The following MUC5B variants were observed in gnomAD, a reference collection of about 807,000 sequenced individuals.
MUC5B encodes the protein mucin 5B, oligomeric mucus/gel-forming, also known as mucin-5B.
MUC5B carries 116 observed loss-of-function variants against 376.9 expected under a neutral mutation model. The observed-to-expected ratio is 0.31, with a 90% CI of 0.26 to 0.36. The LOEUF (loss-of-function observed/expected upper bound fraction) is 0.36. Among genes scored for constraint, MUC5B ranks in the 10% least tolerant of loss-of-function variants. The probability of loss-of-function intolerance (pLI) is 1.00; values close to 1 mark genes in which losing one functional copy is unlikely to be tolerated. For synonymous variants in MUC5B, 3,517 were observed against 3,390.9 expected, an observed-to-expected ratio of 1.04 and a Z score of -1.29; for missense variants, 7,165 against 7,769.9, an observed-to-expected ratio of 0.92 and a Z score of 2.93.
chr11:1,224,934 A>G (rs554569133), intron 1 of MUC5B, among the ~76,000 whole-genome samples: 3 of 152,250 alleles, frequency 2.0e-5, no homozygotes, highest in Non-Finnish European at 4.4e-5. Context: ...GGGTCCTGTG[A>G]AGGGGGCGCC....
At chr11:1,252,126 ATCCATCCCCAC>A (rs1410977590) in intron 31 of MUC5B, among the ~76,000 whole-genome samples, 4 of 131,312 alleles carry the variant, frequency 3.0e-5, no homozygotes, top group African/African-American at 1.2e-4. Flanking sequence ...ACTGGCCACA[ATCCATCCCCAC>A]TGGCCACACT....
At chr11:1,259,906 G>A in intron 45 of MUC5B, 57 bp from the exon 46 acceptor site, 4 of 1,612,198 alleles carry the variant, frequency 2.5e-6, no homozygotes, top group South Asian at 2.2e-5. Flanking sequence ...ACCCCCAATG[G>A]GGCTCTGCAC....
rs201887607 is a variant in MUC5B at position 1,247,919 on chromosome 11, C to A, written c.11039C>A (p.Thr3680Lys). The A allele has an allele frequency of 7.4e-6, 12 of 1,611,916 alleles. No homozygotes were observed. The African/African-American group carries it at 8.0e-5, about 11-fold the overall frequency. The change falls in exon 31 of 49, where the codon ACG becomes AAG. Residue 3680 changes from threonine to lysine, a missense_variant. Thr to Lys is a moderately conservative substitution (Grantham distance 78). Transcript: ENST00000529681. The stretch of plus-strand genomic sequence containing the variant: ...CCCAGCACCCCGGCCACCAGCTCTA[C>A]GGCCACGCCCTCCTCAACTCCGGGG... ...HCPSTPATSS[T>K]ATPSSTPGTT...
Position 1,241,227 on chromosome 11 carries a change from C to T in MUC5B, c.4347C>T (p.Ser1449=). ...GCCCTCAGCCCTCCCTCAGTGCCAG[C>T]ACGGAGCCTGCTGTGCCTACCCCAA... ...GTSPQPSLSA[S]TEPAVPTPTQ... The change falls in exon 31 of 49, where the codon AGC becomes AGT. Residue 1449 remains serine, a synonymous_variant. Transcript: ENST00000529681. 2 of 1,592,036 alleles carry T rather than the reference C, an allele frequency of 1.3e-6. No homozygotes were observed. Among genetic ancestry groups the T allele is most frequent in the Non-Finnish European group, 1.7e-6 (2 of 1,169,500 alleles).
At chr11:1,240,767 A>G in intron 30 of MUC5B, 84 bp from the exon 31 acceptor site, 1 of 1,289,602 alleles carries the variant, frequency 7.8e-7, no homozygotes, top group Non-Finnish European at 1.1e-6. Context: ...AGCCCTGGGG[A>G]AAGGGTCCTC....
chr11:1,232,812 G>C, intron 17 of MUC5B, 42 bp downstream of exon 17: 1 of 1,536,588 alleles, frequency 6.5e-7, no homozygotes, highest in Non-Finnish European at 8.8e-7. Flanking sequence ...CACACCGCGT[G>C]GGGGTGCGGG....
intron 25 of MUC5B, 101 bp downstream of exon 25, chr11:1,237,265 G>C: frequency 7.9e-7 from 1 of 1,273,234 alleles, no homozygotes; most frequent in South Asian, 2.6e-5. Context: ...GCTCCAAGGA[G>C]GGTCTGACCA....
intron 2 of MUC5B, 21 bp downstream of exon 2, chr11:1,225,758 G>A: frequency 6.3e-7 from 1 of 1,599,182 alleles, no homozygotes; most frequent in Non-Finnish European, 8.5e-7. Context: ...AGGTTCGGGG[G>A]TGGGGGGTTC....
rs201462026 is a variant in MUC5B at position 1,243,184 on chromosome 11, G to C, written c.6304G>C (p.Ala2102Pro). ...CTCCATCCCGGGGACCACCCACACC[G>C]CCACAGTGCTGACCACCACCACCAC... ...PSSIPGTTHTATVLTTTTTTV... is the reference protein window; with the variant it reads ...PSSIPGTTHTPTVLTTTTTTV... Residue 2102 changes from alanine to proline, a missense_variant, in exon 31 of 49, where the codon GCC (alanine) becomes CCC (proline). This residue lies in a region of MUC5B where 897 missense variants were observed against 779.6 expected (regional missense o/e 1.15). Transcript: ENST00000529681. 9.3e-3 allele frequency: 14,836 copies of C among 1,589,654 alleles called. 223 individuals are homozygous for C. Among genetic ancestry groups the C allele is most frequent in the East Asian group, 0.032 (1,391 of 43,950 alleles).
At chr11:1,260,446 C>A in intron 47 of MUC5B, 53 bp downstream of exon 47, 30 of 1,593,408 alleles carry the variant, frequency 1.9e-5, no homozygotes, top group Non-Finnish European at 2.6e-5. Flanking sequence ...CCCGTCGCCA[C>A]CCATCCATTC....
chr11:1,253,484 G>A lies in MUC5B; in HGVS notation c.15217+504G>A, dbSNP rs1439069514. 6.6e-6 allele frequency among the ~76,000 whole-genome samples: 1 copy of A among 152,128 alleles called. No homozygotes were observed. Among genetic ancestry groups the A allele is most frequent in the Admixed American group, 6.5e-5 (1 of 15,276 alleles). On this transcript the variant is annotated intron_variant, in intron 33 of 48. Transcript: ENST00000529681. This position sits in a 1 kb window ranked among gnomAD's most constrained non-coding sequence, Gnocchi z 4.3. ...CACCGTGCGGGACCCACCGCTAAGA[G>A]GTCACGGCGTTCTCACTCCTCCCCA...
Position 1,250,949 on chromosome 11 carries a change from C to A in MUC5B, c.14069C>A (p.Thr4690Asn). ...ACCACGGCCACTACGATCACGGCCA[C>A]CGGCTCCACCACCAACCCCTCCTCA... Reference protein sequence around the residue: ...LTTTATTITATGSTTNPSSTP... With the variant: ...LTTTATTITANGSTTNPSSTP... Residue 4690 changes from threonine (T) to asparagine (N), a missense_variant, in exon 31 of 49, where the codon ACC becomes AAC. Physicochemically the swap from Thr to Asn is moderately conservative, Grantham distance 65. Coordinates refer to ENST00000529681, the MANE Select transcript of MUC5B (RefSeq NM_002458.3). The A allele has an allele frequency of 2.5e-6, 4 of 1,609,312 alleles. No homozygotes were observed. Among genetic ancestry groups the A allele is most frequent in the Non-Finnish European group, 3.4e-6 (4 of 1,177,434 alleles).
chr11:1,229,818 G>A lies in MUC5B; in HGVS notation c.1220+11G>A, dbSNP rs749079157. ...CACCTGCAGCTCCTGGTACTTATGA[G>A]CCCACCAGCCTCCGCCTGGGGTGGG... On this transcript the variant is annotated intron_variant, in intron 10 of 48. Coordinates refer to ENST00000529681, the MANE Select transcript of MUC5B (RefSeq NM_002458.3). 6.3e-7 allele frequency: 1 copy of A among 1,585,584 alleles called. No individual in the cohort carries two copies. Among genetic ancestry groups the A allele is most frequent in the African/African-American group, 1.4e-5 (1 of 74,046 alleles).
In MUC5B at chr11:1,246,471, C is replaced by T. The variant is rs756597142; in HGVS notation, c.9591C>T (p.Thr3197=). The change falls in exon 31 of 49, where the codon ACC becomes ACT. Residue 3197 remains threonine, a synonymous_variant. Coordinates refer to ENST00000529681, the MANE Select transcript of MUC5B (RefSeq NM_002458.3). The stretch of plus-strand genomic sequence containing the variant: ...CTGCTGGCACCCTCAAAGTGCTGAC[C>T]AGCACGGCCACCACACCCACAGTCA... ...RATAGTLKVL[T]STATTPTVIS... is the part of the protein sequence containing the mutation. 5.0e-6 allele frequency: 8 copies of T among 1,613,546 alleles called. No homozygotes were observed. Among genetic ancestry groups the T allele is most frequent in the Non-Finnish European group, 4.2e-6 (5 of 1,179,746 alleles).
intron 30 of MUC5B, 104 bp downstream of exon 30, chr11:1,240,479 T>A: frequency 9.2e-7 from 1 of 1,085,350 alleles, no homozygotes; most frequent in Non-Finnish European, 1.3e-6. Flanking sequence ...ACAGTCCCAA[T>A]CCACTGACCT....
Position 1,257,650 on chromosome 11 carries a change from G to A in MUC5B, c.16390G>A (p.Gly5464Ser), listed in dbSNP as rs1456711866. The A allele has an allele frequency of 2.5e-6, 4 of 1,593,422 alleles. No individual in the cohort carries two copies. Among genetic ancestry groups the A allele is most frequent in the Non-Finnish European group, 3.4e-6 (4 of 1,176,292 alleles). Residue 5464 changes from glycine (G) to serine (S), a missense_variant, in exon 41 of 49, where the codon GGC becomes AGC. Physicochemically the swap from Gly to Ser is moderately conservative, Grantham distance 56. Transcript: ENST00000529681. The surrounding 1 kb of genome is among the most constrained non-coding windows in gnomAD (Gnocchi z 8.9). ...QGQPPPCNRP[G>S]FVTVTRPRAE... ...TCAGCCCCCGCCGTGCAACCGTCCC[G>A]GCTTCGTAACCGTGACCAGGCCCCG...
intron 25 of MUC5B, among the ~76,000 whole-genome samples, chr11:1,238,416 A>G (rs1862201144): frequency 6.6e-6 from 1 of 152,048 alleles, no homozygotes; most frequent in Non-Finnish European, 1.5e-5. Context: ...CGCTGGAGGG[A>G]AGGCCCCCAG....
Position 1,234,499 on chromosome 11 carries a change from C to T in MUC5B, c.2479-30C>T, listed in dbSNP as rs1468340459. 5.1e-6 allele frequency: 8 copies of T among 1,563,964 alleles called. No individual in the cohort carries two copies. The highest frequency in any genetic ancestry group is 1.9e-5 in the Admixed American group (1 of 53,156). On this transcript the variant is annotated intron_variant, in intron 20 of 48. Transcript: ENST00000529681. This position sits in a 1 kb window ranked among gnomAD's most constrained non-coding sequence, Gnocchi z 6.3. ...GACATCTGCCCACCCTGGTGTCCAG[C>T]CCTGACCGGTACCTGCCTGGGCCCC...
At position 1,249,861 on chromosome 11, in the gene MUC5B, C is replaced by T; in HGVS notation, c.12981C>T (p.Pro4327=). 2 of 1,613,654 alleles carry T rather than the reference C, an allele frequency of 1.2e-6. No homozygotes were observed. The highest frequency in any genetic ancestry group is 1.7e-6 in the Non-Finnish European group (2 of 1,179,780). Residue 4327 remains proline (P), a synonymous_variant, in exon 31 of 49, where the codon CCC becomes CCT. Transcript: ENST00000529681. ...KSTATSVTPI[P]SSTLGTTGTL... is the part of the protein sequence containing the mutation. Reference sequence around the variant, plus strand: ...CAGCTACCAGCGTTACACCCATCCCCTCCTCCACCCTTGGGACCACCGGGA... The same window carrying T: ...CAGCTACCAGCGTTACACCCATCCCTTCCTCCACCCTTGGGACCACCGGGA...
Sources: allele counts gnomAD v4.1 joint callset (sites outside exome capture counted in the v4.1 genomes callset), GRCh38; gene constraint gnomAD v4.1.1; regional missense constraint gnomAD v4.1.1; non-coding constraint Gnocchi (gnomAD v3.1); transcripts MANE v1.5; gene names NCBI Gene and HGNC (gene_info 2026-07-23, HGNC 2026-07-21).